The following GABRB1 variants were observed in gnomAD, a reference collection of about 807,000 sequenced individuals.
GABRB1 encodes gamma-aminobutyric acid type A receptor subunit beta1.
Under a neutral mutation model 51.6 loss-of-function variants are expected in GABRB1, and 17 were observed. The observed-to-expected ratio is 0.33, with a 90% CI of 0.23 to 0.49. The LOEUF is 0.49. Ranked by LOEUF, GABRB1 falls within the 20% of genes least tolerant of loss-of-function variation. GABRB1 has a pLI of 0.99. For missense variants in GABRB1, 410 were observed against 600.6 expected (o/e 0.68, Z 3.32); for synonymous variants, 247 against 218.9 (o/e 1.13, Z -1.14).
intron 3 of GABRB1, among the ~76,000 whole-genome samples, chr4:47,056,241 A>AT (rs1252364290): frequency 2.0e-5 from 3 of 152,084 alleles, no homozygotes; most frequent in Admixed American, 6.6e-5. Context: ...AATATGTCTC[A>AT]TTTTTTTCTG....
rs80159533 is a variant in GABRB1 at position 47,091,993 on chromosome 4, A to G, written c.240+59509A>G. Among the ~76,000 whole-genome samples, 793 of 152,134 alleles carry G rather than the reference A, an allele frequency of 5.2e-3. 12 individuals carry two copies. The highest frequency in any genetic ancestry group is 0.018 in the African/African-American group (754 of 41,472). On this transcript the variant is annotated intron_variant, in intron 3 of 8. Coordinates refer to ENST00000295454, the MANE Select transcript of GABRB1 (RefSeq NM_000812.4). ...TATTTCTTCTTCAAAGATACTTCCC[A>G]TGATCACAGACTGGGTCAGTATCTC...
At chr4:47,195,172 C>T (rs1355559522) in intron 4 of GABRB1, among the ~76,000 whole-genome samples, 1 of 152,122 alleles carries the variant, frequency 6.6e-6, no homozygotes, top group Admixed American at 6.5e-5. Flanking sequence ...CGAGACCATC[C>T]TGGCTAACAC....
chr4:47,225,715 A>G (rs979798934), intron 4 of GABRB1, among the ~76,000 whole-genome samples: 1 of 152,166 alleles, frequency 6.6e-6, no homozygotes, highest in African/African-American at 2.4e-5. Context: ...AATAGAATAT[A>G]ACTCCATTTA....
At chr4:47,122,868 C>T (rs1321406603) in intron 3 of GABRB1, among the ~76,000 whole-genome samples, 7 of 152,170 alleles carry the variant, frequency 4.6e-5, no homozygotes, top group African/African-American at 1.7e-4. Context: ...CTTCCTCTAG[C>T]TCCCTCTACT....
chr4:47,413,963 A>T (rs759839413), intron 8 of GABRB1, among the ~76,000 whole-genome samples: 17 of 152,234 alleles, frequency 1.1e-4, no homozygotes, highest in Admixed American at 2.0e-4. Flanking sequence ...ATTTCACAGT[A>T]CAACGAGGCT....
chr4:47,417,129 G>A (rs1352680578), intron 8 of GABRB1, among the ~76,000 whole-genome samples: 2 of 152,100 alleles, frequency 1.3e-5, no homozygotes, highest in East Asian at 3.9e-4. Context: ...TCAATCAGTA[G>A]CATGAGGCCC....
At chr4:47,026,084 G>A (rs1233418104) in intron 1 of GABRB1, among the ~76,000 whole-genome samples, 1 of 152,038 alleles carries the variant, frequency 6.6e-6, no homozygotes, top group Non-Finnish European at 1.5e-5. Flanking sequence ...GAAGGCCGAG[G>A]TGGGAGGATC....
chr4:47,036,471 G>A (rs766511135), intron 3 of GABRB1, among the ~76,000 whole-genome samples: 1 of 152,090 alleles, frequency 6.6e-6, no homozygotes, highest in African/African-American at 2.4e-5. Flanking sequence ...TGTGGGATGG[G>A]GCCTGACATT....
intron 1 of GABRB1, among the ~76,000 whole-genome samples, chr4:47,005,692 A>G (rs1251217018): frequency 6.8e-6 from 1 of 147,894 alleles, no homozygotes; most frequent in Non-Finnish European, 1.5e-5. Context: ...TGTCAATCAC[A>G]GAGAACTTTA....
At chr4:47,125,475 C>G (rs1716079019) in intron 3 of GABRB1, among the ~76,000 whole-genome samples, 1 of 150,078 alleles carries the variant, frequency 6.7e-6, no homozygotes, top group South Asian at 2.1e-4. Flanking sequence ...ATTATTTAAA[C>G]TTTAGTATAA....
intron 1 of GABRB1, among the ~76,000 whole-genome samples, chr4:46,996,537 G>C (rs1724003379): frequency 6.6e-6 from 1 of 152,140 alleles, no homozygotes; most frequent in South Asian, 2.1e-4. Context: ...TTTCCTGTGA[G>C]ACTTTATCTC....
At position 47,371,475 on chromosome 4, in the gene GABRB1, G is replaced by A. The variant is rs1007572308; in HGVS notation, c.545-31843G>A. Reference sequence around the variant, plus strand: ...CCCAGTAATGGGATTGCTGGTTCAAGTGGTATTTCTGCCTCTAGATCTTGC... The same window carrying A: ...CCCAGTAATGGGATTGCTGGTTCAAATGGTATTTCTGCCTCTAGATCTTGC... On this transcript the variant is annotated intron_variant, in intron 5 of 8. Coordinates refer to ENST00000295454, the MANE Select transcript of GABRB1 (RefSeq NM_000812.4). 3.9e-5 allele frequency among the ~76,000 whole-genome samples: 6 copies of A among 152,308 alleles called. No homozygotes were observed. In the East Asian group the frequency reaches 1.2e-3, roughly 29 times the overall value.
chr4:47,361,326 G>A (rs1305149101), intron 5 of GABRB1, among the ~76,000 whole-genome samples: 1 of 152,086 alleles, frequency 6.6e-6, no homozygotes, highest in South Asian at 2.1e-4. Flanking sequence ...AAAGGCAAAG[G>A]GTAAAACATA....
chr4:47,132,323 C>T (rs1716451339), intron 3 of GABRB1, among the ~76,000 whole-genome samples: 1 of 152,014 alleles, frequency 6.6e-6, no homozygotes, highest in Admixed American at 6.6e-5. Context: ...ACTGTTAAAA[C>T]TCTCCAATGC....
At chr4:47,002,134 T>C (rs1724250785) in intron 1 of GABRB1, among the ~76,000 whole-genome samples, 1 of 152,246 alleles carries the variant, frequency 6.6e-6, no homozygotes, top group South Asian at 2.1e-4. Context: ...GCATTCTCAC[T>C]ATAGAGATTT....
chr4:47,080,571 A>C (rs1215444789), intron 3 of GABRB1, among the ~76,000 whole-genome samples: 1 of 152,040 alleles, frequency 6.6e-6, no homozygotes, highest in Non-Finnish European at 1.5e-5. Flanking sequence ...TTTTTAAAAA[A>C]AATTACTTTA....
At chr4:47,025,463 G>A (rs1486013412) in intron 1 of GABRB1, among the ~76,000 whole-genome samples, 4 of 151,792 alleles carry the variant, frequency 2.6e-5, no homozygotes, top group East Asian at 1.9e-4. Flanking sequence ...TTGTGATTTC[G>A]ATTTGCATTT....
chr4:47,116,823 G>A (rs1345640061), intron 3 of GABRB1, among the ~76,000 whole-genome samples: 1 of 152,120 alleles, frequency 6.6e-6, no homozygotes, highest in African/African-American at 2.4e-5. Context: ...TGTACAGGAA[G>A]TATGATTGGG....
upstream of GABRB1, among the ~76,000 whole-genome samples, chr4:47,028,679 T>C (rs10010460): frequency 0.56 from 84,687 of 150,536 alleles, 24,167 homozygotes; most frequent in East Asian, 0.66. Flanking sequence ...CATTTGAACC[T>C]TAAAGTGTGG....
Sources: gnomAD v4.1 joint callset for allele counts (sites outside exome capture counted in the v4.1 genomes callset) on GRCh38, gnomAD v4.1.1 for gene constraint, MANE v1.5 for transcripts, NCBI Gene and HGNC (gene_info 2026-07-23, HGNC 2026-07-21) for gene names.